Variants in LIN52 observed in about 807,000 individuals in gnomAD.
The protein encoded by LIN52 is lin-52 DREAM MuvB core complex component.
In LIN52, 4 loss-of-function variants were observed where a neutral mutation model predicts 18.5. The observed-to-expected ratio is 0.22, with a 90% CI of 0.11 to 0.49. The LOEUF (loss-of-function observed/expected upper bound fraction) is 0.49. Among genes scored for constraint, LIN52 ranks in the 20% least tolerant of loss-of-function variants. The pLI, the probability that LIN52 is intolerant of heterozygous loss-of-function variation, is 0.97. For missense variants in LIN52, 102 were observed against 139.5 expected, an observed-to-expected ratio of 0.73 and a Z score of 1.35; for synonymous variants, 34 against 45.5, an observed-to-expected ratio of 0.75 and a Z score of 1.02.
chr14:74,179,923 C>T (rs960369123), intron 5 of LIN52, among the ~76,000 whole-genome samples: 1 of 152,136 alleles, frequency 6.6e-6, no homozygotes. Flanking sequence ...GTTAGAATCA[C>T]CTGTAGGGCT....
intron 5 of LIN52, among the ~76,000 whole-genome samples, chr14:74,107,964 A>G (rs1303033116): frequency 2.0e-5 from 3 of 152,068 alleles, no homozygotes; most frequent in African/African-American, 7.2e-5. Flanking sequence ...CACCACCACA[A>G]CCAATTTTAC....
chr14:74,149,674 T>G (rs776560256), intron 5 of LIN52, among the ~76,000 whole-genome samples: 1 of 152,204 alleles, frequency 6.6e-6, no homozygotes, highest in African/African-American at 2.4e-5. Flanking sequence ...AAAAATGCCT[T>G]TGAATTCTAA....
At chr14:74,149,574 TTC>T (rs1294506420) in intron 5 of LIN52, among the ~76,000 whole-genome samples, 3 of 152,214 alleles carry the variant, frequency 2.0e-5, no homozygotes, top group African/African-American at 7.2e-5. Context: ...ATTATAGTAA[TTC>T]CGATTCAATT....
intron 5 of LIN52, among the ~76,000 whole-genome samples, chr14:74,190,248 A>C (rs2061357730): frequency 6.6e-6 from 1 of 152,196 alleles, no homozygotes; most frequent in African/African-American, 2.4e-5. Flanking sequence ...TAATCTAGAA[A>C]GTGTGCTCCC....
At chr14:74,191,041 C>T (rs2078872330) in intron 5 of LIN52, among the ~76,000 whole-genome samples, 1 of 152,182 alleles carries the variant, frequency 6.6e-6, no homozygotes, top group Admixed American at 6.5e-5. Flanking sequence ...TGATACTTTT[C>T]CTGTGGAGAT....
At chr14:74,095,177 G>A in intron 2 of LIN52, among the ~76,000 whole-genome samples, 1 of 134,382 alleles carries the variant, frequency 7.4e-6, no homozygotes, top group Non-Finnish European at 1.6e-5. Flanking sequence ...TTTGAGACAG[G>A]GTCTTCCTCT....
intron 5 of LIN52, among the ~76,000 whole-genome samples, chr14:74,164,158 T>G (rs1314715936): frequency 1.3e-5 from 2 of 151,900 alleles, no homozygotes; most frequent in African/African-American, 2.4e-5. Flanking sequence ...ATTTTTTGTA[T>G]TTTTAGTAGA....
chr14:74,155,273 G>T (rs2061194673), intron 5 of LIN52, among the ~76,000 whole-genome samples: 1 of 152,212 alleles, frequency 6.6e-6, no homozygotes, highest in Non-Finnish European at 1.5e-5. Context: ...TAGGAATTCA[G>T]TGGTTTCTTT....
intron 5 of LIN52, among the ~76,000 whole-genome samples, chr14:74,140,629 A>C (rs1019463560): frequency 1.3e-5 from 2 of 152,182 alleles, no homozygotes; most frequent in African/African-American, 4.8e-5. Flanking sequence ...CCGTCACGAA[A>C]AGGGAAATCT....
intron 5 of LIN52, among the ~76,000 whole-genome samples, chr14:74,101,687 C>G (rs1243876412): frequency 3.9e-5 from 6 of 152,020 alleles, no homozygotes; most frequent in Non-Finnish European, 8.8e-5. Flanking sequence ...GTCTCGATCT[C>G]CTGACCTCGT....
At chr14:74,189,601 G>A (rs1244083937) in intron 5 of LIN52, among the ~76,000 whole-genome samples, 2 of 152,118 alleles carry the variant, frequency 1.3e-5, no homozygotes, top group African/African-American at 4.8e-5. Context: ...GTCTTGTTTT[G>A]CTCTTAAAAG....
At chr14:74,166,972 G>A (rs576752105) in intron 5 of LIN52, among the ~76,000 whole-genome samples, 3 of 152,152 alleles carry the variant, frequency 2.0e-5, no homozygotes, top group Admixed American at 2.0e-4. Flanking sequence ...TCAGTCCCAG[G>A]TGGCCTGTCA....
chr14:74,113,523 G>A (rs1167907498), intron 5 of LIN52, among the ~76,000 whole-genome samples: 1 of 152,202 alleles, frequency 6.6e-6, no homozygotes, highest in East Asian at 1.9e-4. Context: ...AAGGAACGGT[G>A]CGAGTGGTTG....
chr14:74,184,507 A>T (rs991166929), intron 5 of LIN52, among the ~76,000 whole-genome samples: 1 of 152,220 alleles, frequency 6.6e-6, no homozygotes, highest in African/African-American at 2.4e-5. Flanking sequence ...ATGCTTCATA[A>T]TGGTACTGTG....
chr14:74,124,450 C>G (rs1485879432), intron 5 of LIN52, among the ~76,000 whole-genome samples: 1 of 152,096 alleles, frequency 6.6e-6, no homozygotes, highest in Non-Finnish European at 1.5e-5. Flanking sequence ...TTACAATCCC[C>G]CAAAATTTCT....
chr14:74,149,712 T>A (rs1474940544), intron 5 of LIN52, among the ~76,000 whole-genome samples: 2 of 152,214 alleles, frequency 1.3e-5, no homozygotes, highest in Non-Finnish European at 2.9e-5. Flanking sequence ...ATAGTTGAAA[T>A]ATATAATATC....
intron 5 of LIN52, among the ~76,000 whole-genome samples, chr14:74,164,007 A>G (rs1347968081): frequency 6.7e-6 from 1 of 149,814 alleles, no homozygotes; most frequent in Non-Finnish European, 1.5e-5. Context: ...TTTGAGACAG[A>G]GACTCGTGCT....
At chr14:74,113,584 G>C (rs2060944058) in intron 5 of LIN52, among the ~76,000 whole-genome samples, 1 of 152,114 alleles carries the variant, frequency 6.6e-6, no homozygotes, top group Non-Finnish European at 1.5e-5. Flanking sequence ...GACTAGGAAG[G>C]AGATAGAGGG....
At chr14:74,088,825 G>A (rs998774473) in intron 1 of LIN52, among the ~76,000 whole-genome samples, 2 of 152,162 alleles carry the variant, frequency 1.3e-5, no homozygotes, top group Non-Finnish European at 2.9e-5. Flanking sequence ...TATGCAACTG[G>A]TTAGCATACT....
Sources: allele counts gnomAD v4.1 joint callset (sites outside exome capture counted in the v4.1 genomes callset), GRCh38; gene constraint gnomAD v4.1.1; transcripts MANE v1.5; gene names NCBI Gene and HGNC (gene_info 2026-07-23, HGNC 2026-07-21).